The following RUFY3 variants were observed in gnomAD, a reference collection of about 807,000 sequenced individuals.
The protein encoded by RUFY3 is RUN and FYVE domain containing 3, also known as protein RUFY3.
In RUFY3, 34 loss-of-function variants were observed where a neutral mutation model predicts 84.0. The observed-to-expected ratio is 0.40, with a 90% CI of 0.31 to 0.54. The LOEUF (loss-of-function observed/expected upper bound fraction) is 0.54, where lower values mean the gene tolerates loss of function less well. Ranked by LOEUF, RUFY3 falls within the 20% of genes least tolerant of loss-of-function variation. The pLI, the probability that RUFY3 is intolerant of heterozygous loss-of-function variation, is 0.39. For missense variants in RUFY3, 507 were observed against 736.8 expected, an observed-to-expected ratio of 0.69 and a Z score of 3.61; for synonymous variants, 242 against 252.9, an observed-to-expected ratio of 0.96 and a Z score of 0.41.
chr4:70,770,433 A>C (rs79457122), intron 5 of RUFY3, among the ~76,000 whole-genome samples: 1,843 of 152,306 alleles, frequency 0.012, 30 homozygotes, highest in African/African-American at 0.042. Context: ...TACAGCTTCT[A>C]TTATTTACAT....
chr4:70,750,128 C>G (rs532192724), intron 1 of RUFY3, among the ~76,000 whole-genome samples: 1 of 152,160 alleles, frequency 6.6e-6, no homozygotes, highest in African/African-American at 2.4e-5. Context: ...CCTGCCTTAC[C>G]TCAGCCCCGA....
chr4:70,791,703 TGCCATTGCAGTGTGATGAACCTAGA>T, intron 12 of RUFY3: 3 of 1,007,094 alleles, frequency 3.0e-6, no homozygotes, highest in Non-Finnish European at 2.4e-6. Flanking sequence ...AAGCCTGTTC[TGCCATTGCAGTGTGATGAACCTAGA>T]GGTAACTACC....
intron 1 of RUFY3, among the ~76,000 whole-genome samples, chr4:70,755,247 C>T (rs1723807039): frequency 6.6e-6 from 1 of 152,074 alleles, no homozygotes; most frequent in African/African-American, 2.4e-5. Flanking sequence ...CATTTTGTTT[C>T]TTATATAAGA....
At chr4:70,779,784 T>G (rs1728597013) in intron 8 of RUFY3, among the ~76,000 whole-genome samples, 1 of 151,924 alleles carries the variant, frequency 6.6e-6, no homozygotes, top group African/African-American at 2.4e-5. Flanking sequence ...ATGTTGCCCA[T>G]GCTGGTCCTG....
At chr4:70,724,965 C>G (rs1717979076) in intron 1 of RUFY3, among the ~76,000 whole-genome samples, 1 of 152,184 alleles carries the variant, frequency 6.6e-6, no homozygotes, top group African/African-American at 2.4e-5. Context: ...CTCCTGATGT[C>G]TGGACGCGGG....
At chr4:70,727,241 T>C (rs1718409808) in intron 1 of RUFY3, among the ~76,000 whole-genome samples, 1 of 149,148 alleles carries the variant, frequency 6.7e-6, no homozygotes, top group Admixed American at 6.6e-5. Flanking sequence ...GATGAAGTGG[T>C]ATATTTTATT....
At chr4:70,757,630 A>G (rs1426790503) in intron 1 of RUFY3, among the ~76,000 whole-genome samples, 1 of 152,144 alleles carries the variant, frequency 6.6e-6, no homozygotes, top group Non-Finnish European at 1.5e-5. Context: ...AAAATAAAAT[A>G]AAATATTTGT....
intron 1 of RUFY3, among the ~76,000 whole-genome samples, chr4:70,742,463 TC>T (rs1390612065): frequency 1.1e-4 from 17 of 152,152 alleles, no homozygotes; most frequent in Admixed American, 6.5e-5. Flanking sequence ...CCTACTTTGT[TC>T]CTGTGACATC....
Position 70,722,428 on chromosome 4 carries a change from TAAACC to T in RUFY3, c.-145_-141del. 7.6e-7 allele frequency: 1 copy of T among 1,318,142 alleles called. No individual in the cohort carries two copies. Among genetic ancestry groups the T allele is most frequent in the African/African-American group, 1.6e-5 (1 of 62,080 alleles). 81.7% of individuals were successfully genotyped at this position (1,318,142 alleles called of 1,614,324 possible). A position where few individuals can be genotyped will look rare whatever the true frequency, so the allele number is the denominator to read the frequency against. ...AGGTATTTTTCCTTTTTTTTTTTTT[TAAACC>T]TCCCCCACCCTTTTCCTGAAAGCTT... On this transcript the variant is annotated 5_prime_UTR_variant, in exon 1 of 18. Transcript: ENST00000381006.
intron 12 of RUFY3, chr4:70,791,416 CTTTGAA>C: frequency 7.0e-7 from 1 of 1,432,902 alleles, no homozygotes; most frequent in South Asian, 1.7e-5. Flanking sequence ...AAAAAGTTGA[CTTTGAA>C]TTTGTTGGAC....
Position 70,762,532 on chromosome 4 carries a change from C to T in RUFY3, c.192C>T (p.Leu64=), listed in dbSNP as rs1725211040. 6.2e-7 allele frequency: 1 copy of T among 1,605,332 alleles called. No individual in the cohort carries two copies. Among genetic ancestry groups the T allele is most frequent in the African/African-American group, 1.3e-5 (1 of 74,710 alleles). ...CTTTGGCTGCAGATCCTAATTATCT[C>T]ATGGCTAATGAACGCATGAACCTCA... The part of the protein sequence containing the change: ...PEPTHEDPNY[L]MANERMNLMN... Residue 64 remains leucine (L), a synonymous_variant, in exon 2 of 18, where the codon CTC becomes CTT. Coordinates refer to ENST00000381006, the MANE Select transcript of RUFY3 (RefSeq NM_001037442.4).
At chr4:70,781,580 C>T (rs1173902146) in intron 8 of RUFY3, among the ~76,000 whole-genome samples, 2 of 152,218 alleles carry the variant, frequency 1.3e-5, no homozygotes, top group Admixed American at 1.3e-4. Context: ...CCAATAGTTT[C>T]TCTTAAATCA....
chr4:70,741,132 G>A (rs1268787607), intron 1 of RUFY3, among the ~76,000 whole-genome samples: 1 of 151,072 alleles, frequency 6.6e-6, no homozygotes, highest in Non-Finnish European at 1.5e-5. Flanking sequence ...AAGGAGAATT[G>A]GGGGAGGGGG....
chr4:70,792,010 C>T (rs949897737), intron 12 of RUFY3: 28 of 984,776 alleles, frequency 2.8e-5, no homozygotes, highest in Non-Finnish European at 3.3e-5. Context: ...ATAATGTGGA[C>T]GCCTGGGGAA....
chr4:70,715,073 A>G (rs985999738), intron 1 of RUFY3, among the ~76,000 whole-genome samples: 4 of 152,222 alleles, frequency 2.6e-5, no homozygotes, highest in Admixed American at 6.5e-5. Context: ...GTTAATATCT[A>G]TAAAGTGACA....
chr4:70,784,264 CTT>C (rs1191212532), intron 9 of RUFY3, among the ~76,000 whole-genome samples: 2 of 152,216 alleles, frequency 1.3e-5, no homozygotes, highest in East Asian at 3.8e-4. Context: ...AGGCAGATCA[CTT>C]GAGGTCGGGA....
chr4:70,719,158 C>G (rs956319280), upstream of RUFY3, among the ~76,000 whole-genome samples: 22 of 152,160 alleles, frequency 1.4e-4, no homozygotes, highest in Non-Finnish European at 3.2e-4. Flanking sequence ...TTCTTGCCCA[C>G]CCCCGGGTCT....
chr4:70,802,347 C>T lies in RUFY3; in HGVS notation c.1623-609C>T, dbSNP rs140824402. Among the ~76,000 whole-genome samples the T allele has an allele frequency of 3.9e-5, 6 of 152,320 alleles. No individual in the cohort carries two copies. In the East Asian group the frequency reaches 9.6e-4, roughly 24 times the overall value. On this transcript the variant is annotated intron_variant, in intron 15 of 17. Coordinates refer to ENST00000381006, the MANE Select transcript of RUFY3 (RefSeq NM_001037442.4). ...ATAAGAACCATTGCAATCTGTAGTG[C>T]ATTTTCCCTGTAACCGAGAGCGGGC... is the stretch of plus-strand genomic sequence containing the variant.
At chr4:70,769,516 C>T (rs1043284007) in intron 5 of RUFY3, among the ~76,000 whole-genome samples, 2 of 152,174 alleles carry the variant, frequency 1.3e-5, no homozygotes, top group Admixed American at 6.5e-5. Flanking sequence ...GGTCTTACCT[C>T]AGTGTTAATG....
Sources: gnomAD v4.1 joint callset for allele counts (sites outside exome capture counted in the v4.1 genomes callset) on GRCh38, gnomAD v4.1.1 for gene constraint, MANE v1.5 for transcripts, NCBI Gene and HGNC (gene_info 2026-07-23, HGNC 2026-07-21) for gene names.